Variants in PRUNE2 observed in about 807,000 individuals in gnomAD.
PRUNE2 encodes prune homolog 2 with BCH domain.
A neutral mutation model predicts 252.0 loss-of-function variants in PRUNE2; 164 were observed. The observed-to-expected ratio is 0.65, with a 90% CI of 0.57 to 0.74. PRUNE2 has a LOEUF of 0.74. Ranked by LOEUF, PRUNE2 falls within the 30% of genes least tolerant of loss-of-function variation. The probability of loss-of-function intolerance (pLI) is 0.00; values close to 1 mark genes in which losing one functional copy is unlikely to be tolerated. For synonymous variants in PRUNE2, 1,292 were observed against 1,350.2 expected, an observed-to-expected ratio of 0.96 and a Z score of 0.94; for missense variants, 3,495 against 3,711.0, an observed-to-expected ratio of 0.94 and a Z score of 1.51.
chr9:76,755,185 A>G (rs1040884004), intron 6 of PRUNE2, among the ~76,000 whole-genome samples: 1 of 152,040 alleles, frequency 6.6e-6, no homozygotes, highest in African/African-American at 2.4e-5. Context: ...TGTATATTTA[A>G]TTGTTTATGT....
intron 4 of PRUNE2, among the ~76,000 whole-genome samples, chr9:76,831,659 G>C (rs937997860): frequency 6.6e-6 from 1 of 151,742 alleles, no homozygotes; most frequent in South Asian, 2.1e-4. Context: ...ACCACTAAAA[G>C]AATATCAAAA....
intron 6 of PRUNE2, chr9:76,737,139 A>G (rs1427279509): frequency 1.3e-5 from 2 of 152,200 alleles, no homozygotes; most frequent in African/African-American, 4.8e-5. Flanking sequence ...AATGTGCTCA[A>G]TTGTAGCCTT....
chr9:76,623,420 G>A (rs1445444167), intron 17 of PRUNE2, among the ~76,000 whole-genome samples: 4 of 151,574 alleles, frequency 2.6e-5, no homozygotes, highest in African/African-American at 9.7e-5. Context: ...TCAGCCTCCC[G>A]AGTAGCTCGG....
chr9:76,614,594 G>C lies in PRUNE2; in HGVS notation c.9243C>G (p.Asp3081Glu). The C allele has an allele frequency of 6.2e-7, 1 of 1,611,168 alleles. No homozygotes were observed. The highest frequency in any genetic ancestry group is 8.5e-7 in the Non-Finnish European group (1 of 1,178,070). ...PEMSSMEKDI[D>E]LKLKEKP ...ACTAAGGCTTTTCTTTCAGCTTCAA[G>C]TCAATACTGCAAAGAAAAGAAAAAG... The change falls in exon 19 of 19, where the codon GAC (aspartate) becomes GAG (glutamate). Residue 3081 changes from aspartate to glutamate, a missense_variant. Physicochemically the swap from Asp to Glu is conservative, Grantham distance 45. Coordinates refer to ENST00000376718, the MANE Select transcript of PRUNE2 (RefSeq NM_015225.3).
Position 76,710,077 on chromosome 9 carries a change from T to A in PRUNE2, c.2197A>T (p.Lys733Ter). The A allele has an allele frequency of 6.2e-7, 1 of 1,613,988 alleles. No individual in the cohort carries two copies. Among genetic ancestry groups the A allele is most frequent in the Non-Finnish European group, 8.5e-7 (1 of 1,179,880 alleles). ...TGGAACGGCAAGCTTTCCTCATTTT[T>A]GTCTTGAATATCATTGCTACCCAGT... is the stretch of plus-strand genomic sequence containing the variant. ...PELGSNDIQD[K>*]NEESLPFQNL... Residue 733 changes from lysine to a stop codon, truncating the protein, a stop_gained, in exon 8 of 19, where the codon AAA becomes TAA. Transcript: ENST00000376718. LOFTEE classifies it high-confidence loss of function.
Position 76,678,930 on chromosome 9 carries a change from A to G in PRUNE2, c.8277-23428T>C, listed in dbSNP as rs1369128729. 2.0e-5 allele frequency among the ~76,000 whole-genome samples: 3 copies of G among 152,226 alleles called. No homozygotes were observed. In the East Asian group the frequency reaches 5.8e-4, roughly 29 times the overall value. On this transcript the variant is annotated intron_variant, in intron 9 of 18. Transcript: ENST00000376718. Reference sequence around the variant, plus strand: ...AACCCCAAGAGATATGTGGGCCTCTACGGACAGCTAGGACTGCATCTAACA... The same window carrying G: ...AACCCCAAGAGATATGTGGGCCTCTGCGGACAGCTAGGACTGCATCTAACA...
chr9:76,623,980 TGTTA>T lies in PRUNE2; in HGVS notation c.9188+468_9188+471del, dbSNP rs577856656. 7.2e-5 allele frequency among the ~76,000 whole-genome samples: 11 copies of T among 152,364 alleles called. No individual in the cohort carries two copies. In the South Asian group the frequency reaches 1.9e-3, roughly 26 times the overall value. ...CTATTCATCAAAATAGCTCAAAGGC[TGTTA>T]GTTAAGCAATATTTCCAAAGTCATT... On this transcript the variant is annotated intron_variant, in intron 17 of 18. Transcript: ENST00000376718.
chr9:76,627,498 T>C (rs1034283639), intron 16 of PRUNE2, among the ~76,000 whole-genome samples: 3 of 152,126 alleles, frequency 2.0e-5, no homozygotes, highest in African/African-American at 7.2e-5. Flanking sequence ...CTATGAGGTA[T>C]GCTGGTTGTG....
chr9:76,696,332 C>T (rs538071650), intron 9 of PRUNE2, among the ~76,000 whole-genome samples: 2 of 152,302 alleles, frequency 1.3e-5, no homozygotes, highest in East Asian at 1.9e-4. Flanking sequence ...CTCTCCAATT[C>T]GGCTAGCTGC....
Position 76,876,495 on chromosome 9 carries a change from A to G in PRUNE2, c.37-22287T>C, listed in dbSNP as rs116198627. On this transcript the variant is annotated intron_variant, in intron 1 of 18. Coordinates refer to ENST00000376718, the MANE Select transcript of PRUNE2 (RefSeq NM_015225.3). ...CATGGAGGCACCTACATAAACAAAT[A>G]GATTTAAAATTTTCTCTTTCTTTCC... Among the ~76,000 whole-genome samples, 540 of 152,254 alleles carry G rather than the reference A, an allele frequency of 3.5e-3. 4 individuals carry two copies. Among genetic ancestry groups the G allele is most frequent in the African/African-American group, 0.012 (517 of 41,550 alleles).
chr9:76,658,085 G>A (rs548268594), intron 9 of PRUNE2, among the ~76,000 whole-genome samples: 63 of 152,324 alleles, frequency 4.1e-4, no homozygotes, highest in African/African-American at 1.5e-3. Context: ...TAGGCCGGGC[G>A]CAGTGGCTCA....
intron 4 of PRUNE2, among the ~76,000 whole-genome samples, chr9:76,846,263 G>C (rs958584296): frequency 6.6e-6 from 1 of 152,172 alleles, no homozygotes; most frequent in African/African-American, 2.4e-5. Flanking sequence ...CAGAGGTGCA[G>C]CAGTTCCATT....
At chr9:76,657,815 T>C (rs1157020469) in intron 9 of PRUNE2, among the ~76,000 whole-genome samples, 1 of 152,226 alleles carries the variant, frequency 6.6e-6, no homozygotes, top group African/African-American at 2.4e-5. Context: ...AATTTGGGCA[T>C]TAGTCCAGGT....
At chr9:76,749,384 C>A (rs1442948047) in intron 6 of PRUNE2, among the ~76,000 whole-genome samples, 1 of 152,214 alleles carries the variant, frequency 6.6e-6, no homozygotes, top group Non-Finnish European at 1.5e-5. Context: ...AGCCCTGCTT[C>A]CTTAACCAAC....
intron 1 of PRUNE2, among the ~76,000 whole-genome samples, chr9:76,884,007 T>C (rs1022303174): frequency 4.6e-5 from 7 of 152,214 alleles, no homozygotes; most frequent in African/African-American, 1.4e-4. Flanking sequence ...AGAGTGTGTA[T>C]GCAATAAACA....
chr9:76,812,212 G>A (rs1322467538), intron 6 of PRUNE2, among the ~76,000 whole-genome samples: 4 of 152,222 alleles, frequency 2.6e-5, no homozygotes, highest in Non-Finnish European at 5.9e-5. Flanking sequence ...TCCAAGGCAT[G>A]AGCCTAAGTC....
At chr9:76,673,977 A>G (rs371467208) in intron 9 of PRUNE2, among the ~76,000 whole-genome samples, 8 of 152,180 alleles carry the variant, frequency 5.3e-5, no homozygotes, top group Non-Finnish European at 1.0e-4. Flanking sequence ...TGGAAGCATT[A>G]CCTTTGAAAA....
intron 9 of PRUNE2, among the ~76,000 whole-genome samples, chr9:76,684,693 C>T (rs1302415202): frequency 2.6e-5 from 4 of 152,182 alleles, no homozygotes; most frequent in Non-Finnish European, 4.4e-5. Flanking sequence ...AAACAATGCT[C>T]ACAAACAGGG....
intron 6 of PRUNE2, among the ~76,000 whole-genome samples, chr9:76,768,304 T>C (rs1219354298): frequency 1.3e-5 from 2 of 152,160 alleles, no homozygotes; most frequent in Non-Finnish European, 2.9e-5. Context: ...ACAATTCTCC[T>C]ACCTCAGCCT....
Sources: allele counts gnomAD v4.1 joint callset (sites outside exome capture counted in the v4.1 genomes callset), GRCh38; gene constraint gnomAD v4.1.1; transcripts MANE v1.5; gene names NCBI Gene and HGNC (gene_info 2026-07-23, HGNC 2026-07-21).